Variants in CD5 observed in about 807,000 individuals in gnomAD.
CD5 encodes the protein T-cell surface glycoprotein CD5.
Under a neutral mutation model 60.3 loss-of-function variants are expected in CD5, and 36 were observed. The observed-to-expected ratio is 0.60, with a 90% CI of 0.46 to 0.79. The LOEUF is 0.79. Ranked by LOEUF, CD5 falls within the 30% of genes least tolerant of loss-of-function variation. CD5 has a pLI of 0.00. For missense variants in CD5, 540 were observed against 630.6 expected, an observed-to-expected ratio of 0.86 and a Z score of 1.54; for synonymous variants, 230 against 257.6, an observed-to-expected ratio of 0.89 and a Z score of 1.03.
chr11:61,121,158 T>C (rs1309323822), intron 5 of CD5, among the ~76,000 whole-genome samples: 1 of 152,216 alleles, frequency 6.6e-6, no homozygotes, highest in African/African-American at 2.4e-5. Context: ...GGGCAGTAGG[T>C]CTTTCCAACC....
At chr11:61,124,262 GT>G (rs1861114400) in intron 8 of CD5, among the ~76,000 whole-genome samples, 1 of 152,178 alleles carries the variant, frequency 6.6e-6, no homozygotes, top group African/African-American at 2.4e-5. Flanking sequence ...CCCCAACACA[GT>G]AGCCAGTGGA....
At chr11:61,103,478 G>C (rs1290258137) in intron 1 of CD5, among the ~76,000 whole-genome samples, 1 of 152,168 alleles carries the variant, frequency 6.6e-6, no homozygotes, top group Non-Finnish European at 1.5e-5. Flanking sequence ...TTGCCTGCCT[G>C]AGCAGGGAGC....
chr11:61,122,298 G>T (rs1196059453), intron 6 of CD5, among the ~76,000 whole-genome samples: 19 of 138,274 alleles, frequency 1.4e-4, no homozygotes, highest in East Asian at 4.3e-4. Flanking sequence ...ATTGGTGGGT[G>T]GGTGGGTGGG....
chr11:61,099,324 C>A (rs369153378), upstream of CD5, among the ~76,000 whole-genome samples: 6 of 143,126 alleles, frequency 4.2e-5, no homozygotes, highest in East Asian at 1.1e-3. Context: ...GAGATCACAC[C>A]CACAACACAG....
chr11:61,122,876 G>A lies in CD5; in HGVS notation c.1100-31G>A, dbSNP rs1297643177. 2.5e-6 allele frequency: 4 copies of A among 1,592,216 alleles called. No homozygotes were observed. The Admixed American group carries it at 5.1e-5, about 20-fold the overall frequency. On this transcript the variant is annotated intron_variant, in intron 6 of 10. Coordinates refer to ENST00000347785, the MANE Select transcript of CD5 (RefSeq NM_014207.4). ...CCACAGTTTTTCTCCCCCCAGGACT[G>A]GGACTGACCTAACTCTTCCTCCTTC...
rs1312185916 is a variant in CD5, at chr11:61,119,537, C to A, written c.767C>A (p.Pro256His). 2 of 1,613,434 alleles carry A rather than the reference C, an allele frequency of 1.2e-6. No individual in the cohort carries two copies. The highest frequency in any genetic ancestry group is 8.5e-7 in the Non-Finnish European group (1 of 1,179,868). The change falls in exon 5 of 11, where the codon CCC becomes CAC. Residue 256 changes from proline (P) to histidine (H), a missense_variant. Physicochemically the swap from Pro to His is moderately conservative, Grantham distance 77. Transcript: ENST00000347785. ...SLEHCFRKIK[P>H]QKSGRVLALL... ...GAGCATTGCTTCAGGAAAATCAAGC[C>A]CCAGAAAAGTGGCCGAGTTCTTGCC...
rs564002192 is a variant in CD5 at position 61,118,682 on chromosome 11, T to C, written c.400+202T>C. On this transcript the variant is annotated intron_variant, in intron 3 of 10. Coordinates refer to ENST00000347785, the MANE Select transcript of CD5 (RefSeq NM_014207.4). The surrounding 1 kb of genome is among the most constrained non-coding windows in gnomAD (Gnocchi z 4.7). Reference sequence around the variant, plus strand: ...ATCTGTAGGATGGCAATGGAGGACCTAGTTCTGCCAATCACTGACTTCATC... The same window carrying C: ...ATCTGTAGGATGGCAATGGAGGACCCAGTTCTGCCAATCACTGACTTCATC... Among the ~76,000 whole-genome samples the C allele has an allele frequency of 1.1e-4, 16 of 152,342 alleles. No individual in the cohort carries two copies. Among genetic ancestry groups the C allele is most frequent in the Middle Eastern group, 6.8e-3 (2 of 294 alleles).
Position 61,118,981 on chromosome 11 carries a change from A to G in CD5, c.463+4A>G. The G allele has an allele frequency of 6.2e-7, 1 of 1,611,836 alleles. No homozygotes were observed. Among genetic ancestry groups the G allele is most frequent in the South Asian group, 1.1e-5 (1 of 90,954 alleles). The stretch of plus-strand genomic sequence containing the variant: ...ACCACAACTCCAGAGCCCACAGGTA[A>G]GAGGATTCTGAACCCCCCACAGGGA... On this transcript the variant is annotated splice_donor_region_variant and intron_variant, in intron 4 of 10. Transcript: ENST00000347785. This position sits in a 1 kb window ranked among gnomAD's most constrained non-coding sequence, Gnocchi z 4.7.
rs1194063256 is a variant in CD5, at chr11:61,102,526, G to T, written c.-35G>T. 3.6e-6 allele frequency: 5 copies of T among 1,393,692 alleles called. No homozygotes were observed. The highest frequency in any genetic ancestry group is 4.8e-6 in the Non-Finnish European group (5 of 1,044,444). The allele number at this position is 1,393,692 out of a possible 1,614,324, so 86.3% of individuals were successfully genotyped here. ...CAGACACCCTCACCTGCGGTGCCCA[G>T]CTGCCCAGGCTGAGGCAAGAGAAGG... On this transcript the variant is annotated 5_prime_UTR_variant, in exon 1 of 11. Transcript: ENST00000347785.
At position 61,118,116 on chromosome 11, in the gene CD5, G is replaced by A; in HGVS notation, c.95-59G>A. 6.5e-7 allele frequency: 1 copy of A among 1,545,648 alleles called. No homozygotes were observed. The highest frequency in any genetic ancestry group is 8.8e-7 in the Non-Finnish European group (1 of 1,131,922). On this transcript the variant is annotated intron_variant, in intron 2 of 10. Coordinates refer to ENST00000347785, the MANE Select transcript of CD5 (RefSeq NM_014207.4). This position sits in a 1 kb window ranked among gnomAD's most constrained non-coding sequence, Gnocchi z 4.7. ...GGGCGTCCTAGGGAGAGGGCAGTGA[G>A]GGGTGCCAGTGGGGAACCCCTCCCA...
chr11:61,117,309 G>A (rs898286360), intron 2 of CD5, among the ~76,000 whole-genome samples: 2 of 152,168 alleles, frequency 1.3e-5, no homozygotes, highest in Admixed American at 1.3e-4. Flanking sequence ...GCAGATCAGT[G>A]TTTGCCTGAG....
At chr11:61,124,405 C>T (rs555608482) in intron 8 of CD5, among the ~76,000 whole-genome samples, 2 of 152,304 alleles carry the variant, frequency 1.3e-5, no homozygotes, top group African/African-American at 4.8e-5. Flanking sequence ...TGCCCATCTC[C>T]AAAGCAAGGA....
At chr11:61,102,900 A>C (rs1346996709) in intron 1 of CD5, among the ~76,000 whole-genome samples, 2 of 152,200 alleles carry the variant, frequency 1.3e-5, no homozygotes, top group African/African-American at 2.4e-5. Flanking sequence ...GGGGACCCGC[A>C]TTTGATGGGG....
Position 61,102,631 on chromosome 11 carries a change from A to G in CD5, c.55+16A>G, listed in dbSNP as rs1860712793. ...GGGATGCTGGGTGAGTACCCCTCCC[A>G]GGTGTCCTGCGAACACCCGGGCTCG... On this transcript the variant is annotated intron_variant, in intron 1 of 10. Coordinates refer to ENST00000347785, the MANE Select transcript of CD5 (RefSeq NM_014207.4). 2.5e-6 allele frequency: 4 copies of G among 1,577,004 alleles called. No homozygotes were observed. Among genetic ancestry groups the G allele is most frequent in the African/African-American group, 1.3e-5 (1 of 74,278 alleles).
chr11:61,097,374 A>C, the CD5 span, among the ~76,000 whole-genome samples: 6 of 152,154 alleles, frequency 3.9e-5, no homozygotes. Flanking sequence ...AAAAGAATTC[A>C]CTCACCCCGT....
At position 61,118,206 on chromosome 11, in the gene CD5, G is replaced by A. The variant is rs138549146; in HGVS notation, c.126G>A (p.Ser42=). 1.1e-5 allele frequency: 18 copies of A among 1,613,964 alleles called. No individual in the cohort carries two copies. Among genetic ancestry groups the A allele is most frequent in the Admixed American group, 5.0e-5 (3 of 60,010 alleles). The change falls in exon 3 of 11, where the codon TCG becomes TCA. Residue 42 remains serine (S), a synonymous_variant. Transcript: ENST00000347785. The surrounding 1 kb of genome is among the most constrained non-coding windows in gnomAD (Gnocchi z 4.7). ...AGGCAAGGCTCACCCGTTCCAACTC[G>A]AAGTGCCAGGGCCAGCTGGAGGTCT... The part of the protein sequence containing the change: ...DFQARLTRSN[S]KCQGQLEVYL...
At chr11:61,109,741 G>A (rs1393439192) in intron 1 of CD5, among the ~76,000 whole-genome samples, 1 of 152,076 alleles carries the variant, frequency 6.6e-6, no homozygotes, top group African/African-American at 2.4e-5. Context: ...GGAGCTCCAG[G>A]GGTGTGATAA....
intron 1 of CD5, among the ~76,000 whole-genome samples, chr11:61,109,532 T>C (rs1027676510): frequency 1.2e-4 from 18 of 152,090 alleles, no homozygotes; most frequent in African/African-American, 4.3e-4. Flanking sequence ...TTTTTTTTAA[T>C]TTGGCTCAAA....
intron 2 of CD5, 115 bp downstream of exon 2, chr11:61,115,209 A>C (rs1860921129): frequency 1.1e-6 from 1 of 914,412 alleles, no homozygotes; most frequent in South Asian, 1.5e-5. Context: ...AGTGAACCCC[A>C]CCCTATAGAG....
Sources: gnomAD v4.1 joint callset for allele counts (sites outside exome capture counted in the v4.1 genomes callset) on GRCh38, gnomAD v4.1.1 for gene constraint, Gnocchi (gnomAD v3.1) non-coding constraint, MANE v1.5 for transcripts, NCBI Gene and HGNC (gene_info 2026-07-23, HGNC 2026-07-21) for gene names.